The following FGF7 variants were observed in gnomAD, a reference collection of about 807,000 sequenced individuals.
FGF7 encodes the protein FGF-7.
Under a neutral mutation model 20.5 loss-of-function variants are expected in FGF7, and 6 were observed. The observed-to-expected ratio is 0.29, with a 90% CI of 0.16 to 0.58. The LOEUF is 0.58. Among genes scored for constraint, FGF7 ranks in the 20% least tolerant of loss-of-function variants. FGF7 has a pLI of 0.90. For missense variants in FGF7, 144 were observed against 228.8 expected (o/e 0.63, Z 2.39); for synonymous variants, 64 against 74.7 (o/e 0.86, Z 0.74).
intron 2 of FGF7, among the ~76,000 whole-genome samples, chr15:49,472,514 G>A (rs2054868564): frequency 1.3e-5 from 2 of 152,172 alleles, no homozygotes; most frequent in Admixed American, 6.5e-5. Context: ...AAAAAGACTG[G>A]GAAATGGAAA....
chr15:49,468,670 C>T (rs532635607), intron 2 of FGF7, among the ~76,000 whole-genome samples: 1 of 152,236 alleles, frequency 6.6e-6, no homozygotes, highest in East Asian at 1.9e-4. Context: ...TTGTGTTGCC[C>T]CTTCAAAGTG....
At chr15:49,476,288 C>A (rs1475750462) in intron 2 of FGF7, among the ~76,000 whole-genome samples, 2 of 114,162 alleles carry the variant, frequency 1.8e-5, no homozygotes, top group Non-Finnish European at 3.7e-5. Context: ...TTTATTTTTT[C>A]TGTGGAAAAA....
At chr15:49,464,123 A>G (rs1043616090) in intron 2 of FGF7, among the ~76,000 whole-genome samples, 2 of 152,128 alleles carry the variant, frequency 1.3e-5, no homozygotes, top group Admixed American at 1.3e-4. Flanking sequence ...AAGCCTCATG[A>G]AGGATGGGTT....
intron 2 of FGF7, among the ~76,000 whole-genome samples, chr15:49,475,118 G>C (rs2055143353): frequency 6.6e-6 from 1 of 152,108 alleles, no homozygotes; most frequent in Non-Finnish European, 1.5e-5. Context: ...TGATCAGTTT[G>C]ATTAATTTTT....
Position 49,427,175 on chromosome 15 carries a change from T to C in FGF7, c.286+2592T>C, listed in dbSNP as rs1455120378. Among the ~76,000 whole-genome samples, 5 of 152,156 alleles carry C rather than the reference T, an allele frequency of 3.3e-5. No homozygotes were observed. The East Asian group carries it at 9.7e-4, about 29-fold the overall frequency. ...ATGTCCAATTGTGCTAATTGACACA[T>C]GTGAAGTTGAAGCTGCTATATTAGG... is the stretch of plus-strand genomic sequence containing the variant. On this transcript the variant is annotated intron_variant, in intron 2 of 3. Coordinates refer to ENST00000267843, the MANE Select transcript of FGF7 (RefSeq NM_002009.4).
At chr15:49,444,095 C>T (rs2051948000) in intron 2 of FGF7, among the ~76,000 whole-genome samples, 1 of 151,522 alleles carries the variant, frequency 6.6e-6, no homozygotes, top group Non-Finnish European at 1.5e-5. Context: ...AAGGATCTTA[C>T]GGCAGTGTTG....
At chr15:49,445,957 C>T (rs972606874) in intron 2 of FGF7, among the ~76,000 whole-genome samples, 5 of 151,398 alleles carry the variant, frequency 3.3e-5, no homozygotes, top group Non-Finnish European at 7.4e-5. Flanking sequence ...ATCAGACTTC[C>T]CCATCTACAT....
intron 2 of FGF7, among the ~76,000 whole-genome samples, chr15:49,447,078 G>A (rs1597250400): frequency 6.6e-6 from 1 of 151,360 alleles, no homozygotes. Context: ...CCTAAACACT[G>A]AATAAAATCA....
In FGF7 at chr15:49,424,078, T is replaced by C. The variant is rs2049917114; in HGVS notation, c.-220T>C. ...CACAGCAACTGAACTTACTACGAAC[T>C]GTTTTTATGAGGATTTATCAACAGA... On this transcript the variant is annotated 5_prime_UTR_variant, in exon 2 of 4. Coordinates refer to ENST00000267843, the MANE Select transcript of FGF7 (RefSeq NM_002009.4). The C allele has an allele frequency of 7.1e-6, 3 of 422,352 alleles. No individual in the cohort carries two copies. The allele number at this position is 422,352 out of a possible 1,614,324, so 26.2% of individuals were successfully genotyped here. A position where few individuals can be genotyped will look rare whatever the true frequency, so the allele number is the denominator to read the frequency against.
chr15:49,459,507 C>T (rs2151920752), intron 2 of FGF7, among the ~76,000 whole-genome samples: 1 of 152,126 alleles, frequency 6.6e-6, no homozygotes, highest in South Asian at 2.1e-4. Flanking sequence ...ACCTGCATTT[C>T]AGCATTGTGT....
chr15:49,461,572 TG>T (rs2053805020), intron 2 of FGF7, among the ~76,000 whole-genome samples: 1 of 152,240 alleles, frequency 6.6e-6, no homozygotes, highest in Non-Finnish European at 1.5e-5. Context: ...CACGTACTTC[TG>T]TTTAATTTAG....
At chr15:49,447,847 AAT>A (rs1454177239) in intron 2 of FGF7, among the ~76,000 whole-genome samples, 1 of 151,708 alleles carries the variant, frequency 6.6e-6, no homozygotes, top group Non-Finnish European at 1.5e-5. Context: ...ACAGAACGAG[AAT>A]GAATTGAATA....
At chr15:49,453,944 A>G (rs1199367353) in intron 2 of FGF7, among the ~76,000 whole-genome samples, 1 of 152,124 alleles carries the variant, frequency 6.6e-6, no homozygotes, top group Non-Finnish European at 1.5e-5. Context: ...ATTTTTAATC[A>G]CCAAGTCCTA....
At chr15:49,480,102 C>T (rs1330683290) in intron 2 of FGF7, among the ~76,000 whole-genome samples, 1 of 152,162 alleles carries the variant, frequency 6.6e-6, no homozygotes, top group East Asian at 1.9e-4. Context: ...TCTGCCAACA[C>T]TGCTTAATGC....
intron 2 of FGF7, among the ~76,000 whole-genome samples, chr15:49,446,066 T>C: frequency 6.6e-6 from 1 of 151,730 alleles, no homozygotes; most frequent in Non-Finnish European, 1.5e-5. Context: ...TATTTCTAAA[T>C]AACAATGTTT....
intron 2 of FGF7, among the ~76,000 whole-genome samples, chr15:49,445,229 G>A (rs1402208539): frequency 6.6e-6 from 1 of 151,538 alleles, no homozygotes; most frequent in Non-Finnish European, 1.5e-5. Flanking sequence ...CCCAGGTACT[G>A]AGCATAGTAC....
intron 2 of FGF7, among the ~76,000 whole-genome samples, chr15:49,445,065 C>T (rs915778667): frequency 1.3e-5 from 2 of 151,300 alleles, no homozygotes; most frequent in African/African-American, 4.8e-5. Context: ...CAGACATATC[C>T]TCAATAATCC....
At chr15:49,425,865 C>A (rs1031678042) in intron 2 of FGF7, among the ~76,000 whole-genome samples, 6 of 151,556 alleles carry the variant, frequency 4.0e-5, no homozygotes, top group Admixed American at 2.6e-4. Flanking sequence ...TCTAGAAGAT[C>A]ATTCTTATTA....
rs569519175 is a variant in FGF7 at position 49,425,885 on chromosome 15, TTATC to T, written c.286+1305_286+1308del. On this transcript the variant is annotated intron_variant, in intron 2 of 3. Coordinates refer to ENST00000267843, the MANE Select transcript of FGF7 (RefSeq NM_002009.4). ...AAGATCATTCTTATTATACTAAAGT[TTATC>T]TAAGGAAATGACTATTTGGAGAAAA... Among the ~76,000 whole-genome samples the T allele has an allele frequency of 1.1e-4, 16 of 151,874 alleles. No homozygotes were observed. The Middle Eastern group carries it at 0.01, about 97-fold the overall frequency.
Sources: allele counts gnomAD v4.1 joint callset (sites outside exome capture counted in the v4.1 genomes callset), GRCh38; gene constraint gnomAD v4.1.1; transcripts MANE v1.5; gene names NCBI Gene and HGNC (gene_info 2026-07-23, HGNC 2026-07-21).